WWP2: variants seen among roughly 807,000 people sequenced by gnomAD.
WWP2 encodes WW domain containing E3 ubiquitin protein ligase 2, also known as NEDD4-like E3 ubiquitin-protein ligase WWP2.
In WWP2, 57 loss-of-function variants were observed where a neutral mutation model predicts 121.0. That is an observed-to-expected ratio of 0.47 (90% confidence interval 0.38 to 0.59). WWP2 has a LOEUF of 0.59. Among genes scored for constraint, WWP2 ranks in the 20% least tolerant of loss-of-function variants. The pLI is 0.00. For synonymous variants in WWP2, 449 were observed against 441.3 expected (o/e 1.02, Z -0.22); for missense variants, 962 against 1,158.9 (o/e 0.83, Z 2.47).
intron 1 of WWP2, among the ~76,000 whole-genome samples, chr16:69,778,948 TA>T (rs1282572738): frequency 2.9e-5 from 4 of 138,336 alleles, no homozygotes; most frequent in African/African-American, 1.1e-4. Context: ...GCCGGTTATT[TA>T]TTTATTTATT....
intron 1 of WWP2, among the ~76,000 whole-genome samples, chr16:69,763,948 G>A (rs907103581): frequency 6.6e-6 from 1 of 152,168 alleles, no homozygotes; most frequent in Non-Finnish European, 1.5e-5. Context: ...TCGAGAGAAA[G>A]GCTTGGATTG....
intron 1 of WWP2, among the ~76,000 whole-genome samples, chr16:69,767,369 G>A (rs1293755945): frequency 6.6e-6 from 1 of 152,138 alleles, no homozygotes; most frequent in Non-Finnish European, 1.5e-5. Context: ...GAAAGAGATG[G>A]CCATTTGAAT....
intron 4 of WWP2, among the ~76,000 whole-genome samples, chr16:69,830,351 A>G (rs555376870): frequency 4.6e-5 from 7 of 152,242 alleles, no homozygotes; most frequent in African/African-American, 1.7e-4. Context: ...GGCCTCCCAA[A>G]GTGTTGGGAT....
At chr16:69,771,745 T>C (rs1303771937) in intron 1 of WWP2, among the ~76,000 whole-genome samples, 1 of 152,120 alleles carries the variant, frequency 6.6e-6, no homozygotes, top group Non-Finnish European at 1.5e-5. Flanking sequence ...TTCTGCAATG[T>C]TTGTTGACAT....
In WWP2 at chr16:69,888,187, C is replaced by G; in HGVS notation, c.852C>G (p.Pro284=). The change falls in exon 8 of 24, where the codon CCC becomes CCG. Residue 284 remains proline (P), a synonymous_variant. Coordinates refer to ENST00000359154, the MANE Select transcript of WWP2 (RefSeq NM_001270454.2). ...APATPAEGEE[P]STSGTQQLPA... is the part of the protein sequence containing the mutation. ...CCACACCGGCTGAAGGAGAGGAACC[C>G]AGCACTTCGGGTACACAGCAGCTCC... 5 of 1,614,204 alleles carry G rather than the reference C, an allele frequency of 3.1e-6. No individual in the cohort carries two copies. Among genetic ancestry groups the G allele is most frequent in the Non-Finnish European group, 4.2e-6 (5 of 1,180,034 alleles).
chr16:69,911,186 G>A (rs1004644251), intron 9 of WWP2, among the ~76,000 whole-genome samples: 4 of 152,216 alleles, frequency 2.6e-5, no homozygotes, highest in Non-Finnish European at 4.4e-5. Context: ...ACTTAATCAT[G>A]GCCGTCCCTG....
chr16:69,793,907 CT>C (rs2055968042), intron 2 of WWP2, among the ~76,000 whole-genome samples: 2 of 122,404 alleles, frequency 1.6e-5, no homozygotes, highest in South Asian at 5.3e-4. Context: ...TGTTATTATC[CT>C]TGCTTTTTTT....
rs767090543 is a variant in WWP2 at position 69,798,789 on chromosome 16, A to G, written c.178A>G (p.Ile60Val). ...PSETKKTGKR[I>V]GSSELLWNEI... ...TGAGACCAAGAAGACTGGGAAGCGC[A>G]TTGGGAGCTCTGAGCTTCTCTGGAA... Residue 60 changes from isoleucine (I) to valine (V), a missense_variant, in exon 3 of 24, where the codon ATT (isoleucine) becomes GTT (valine). Physicochemically the swap from Ile to Val is conservative, Grantham distance 29. This residue lies in a region of WWP2 where 145 missense variants were observed against 189.8 expected (regional missense o/e 0.76). Coordinates refer to ENST00000359154, the MANE Select transcript of WWP2 (RefSeq NM_001270454.2). The G allele has an allele frequency of 3.1e-6, 5 of 1,614,100 alleles. No homozygotes were observed. Among genetic ancestry groups the G allele is most frequent in the Non-Finnish European group, 4.2e-6 (5 of 1,180,014 alleles).
chr16:69,812,262 T>C (rs1212252579), intron 4 of WWP2, among the ~76,000 whole-genome samples: 1 of 144,346 alleles, frequency 6.9e-6, no homozygotes, highest in Admixed American at 7.1e-5. Flanking sequence ...TGCCTCCTGG[T>C]TCAAGCAATT....
chr16:69,855,327 T>A (rs1480101822), intron 6 of WWP2, among the ~76,000 whole-genome samples: 2 of 152,218 alleles, frequency 1.3e-5, no homozygotes, highest in African/African-American at 4.8e-5. Flanking sequence ...AAGTATTTTT[T>A]AGTTCACTTC....
intron 2 of WWP2, among the ~76,000 whole-genome samples, chr16:69,796,986 C>T (rs1334015015): frequency 2.6e-5 from 4 of 152,210 alleles, no homozygotes; most frequent in African/African-American, 9.7e-5. Flanking sequence ...TTTGCTTATA[C>T]TCAAACAGGG....
chr16:69,920,223 G>C (rs2058539509), intron 10 of WWP2, among the ~76,000 whole-genome samples: 1 of 152,196 alleles, frequency 6.6e-6, no homozygotes, highest in Admixed American at 6.5e-5. Context: ...TTCCTTAGCA[G>C]AGGTGAGCAG....
At position 69,934,120 on chromosome 16, in the gene WWP2, C is replaced by A. The variant is rs1360737507; in HGVS notation, c.1833C>A (p.Phe611Leu). The A allele has an allele frequency of 1.9e-6, 3 of 1,614,056 alleles. No homozygotes were observed. Among genetic ancestry groups the A allele is most frequent in the Non-Finnish European group, 2.5e-6 (3 of 1,180,012 alleles). ...HLTYFRFIGR[F>L]IAMALYHGKF... ...CCTACTTTCGCTTTATAGGCAGATT[C>A]ATCGCCATGGTAAGGGGGCCCCAGG... The change falls in exon 17 of 24, where the codon TTC becomes TTA. Residue 611 changes from phenylalanine to leucine, a missense_variant. Coordinates refer to ENST00000359154, the MANE Select transcript of WWP2 (RefSeq NM_001270454.2).
Position 69,940,110 on chromosome 16 carries a change from A to G in WWP2, c.*170A>G, listed in dbSNP as rs1250413775. The stretch of plus-strand genomic sequence containing the variant: ...AAAGCCTGATCCCAGGAGGCCCTGC[A>G]GTTCCCCCGACCCGCGGATGGCAGT... On this transcript the variant is annotated 3_prime_UTR_variant, in exon 24 of 24. Coordinates refer to ENST00000359154, the MANE Select transcript of WWP2 (RefSeq NM_001270454.2). The G allele has an allele frequency of 2.1e-5, 13 of 613,440 alleles. No homozygotes were observed. Among genetic ancestry groups the G allele is most frequent in the Non-Finnish European group, 3.4e-5 (12 of 351,242 alleles). 38.0% of individuals were successfully genotyped at this position (613,440 alleles called of 1,614,324 possible). A position where few individuals can be genotyped will look rare whatever the true frequency, so the allele number is the denominator to read the frequency against.
intron 4 of WWP2, among the ~76,000 whole-genome samples, chr16:69,824,792 A>T (rs1240648301): frequency 4.5e-5 from 5 of 112,146 alleles, no homozygotes; most frequent in Non-Finnish European, 8.7e-5. Flanking sequence ...TTTTTTTGAG[A>T]CAGAGTTTTA....
chr16:69,783,005 T>C (rs961997419), intron 1 of WWP2: 2 of 146,320 alleles, frequency 1.4e-5, no homozygotes, highest in African/African-American at 5.1e-5. Context: ...GAAGGGCTTT[T>C]GTCCTTTTTT....
At chr16:69,827,513 T>TA (rs1485182581) in intron 4 of WWP2, among the ~76,000 whole-genome samples, 12 of 152,324 alleles carry the variant, frequency 7.9e-5, no homozygotes, top group Admixed American at 5.9e-4. Context: ...TTATAATTTG[T>TA]AAAAAAACTC....
intron 4 of WWP2, among the ~76,000 whole-genome samples, chr16:69,831,585 T>A (rs1041516929): frequency 2.6e-4 from 39 of 152,258 alleles, no homozygotes; most frequent in African/African-American, 8.9e-4. Flanking sequence ...TAGAAAAATA[T>A]GACTCATCCT....
intron 4 of WWP2, among the ~76,000 whole-genome samples, chr16:69,826,263 G>A (rs112980521): frequency 0.15 from 7,487 of 49,340 alleles, 691 homozygotes; most frequent in African/African-American, 0.36. Flanking sequence ...GTGAAACTCC[G>A]TCTCAAAAAA....
Sources: gnomAD v4.1 joint callset for allele counts (sites outside exome capture counted in the v4.1 genomes callset) on GRCh38, gnomAD v4.1.1 for gene constraint, gnomAD v4.1.1 regional missense constraint, MANE v1.5 for transcripts, NCBI Gene and HGNC (gene_info 2026-07-23, HGNC 2026-07-21) for gene names.